Variants in STIP1 observed in about 807,000 individuals in gnomAD.
STIP1 encodes the protein stress-induced-phosphoprotein 1.
In STIP1, 16 loss-of-function variants were observed where a neutral mutation model predicts 77.4. That is an observed-to-expected ratio of 0.21 (90% CI 0.14 to 0.31). The LOEUF is 0.31. STIP1 is among the 10% of genes least tolerant of loss of function. STIP1 has a pLI of 1.00. For missense variants in STIP1, 524 were observed against 684.8 expected (o/e 0.77, Z 2.62); for synonymous variants, 258 against 246.6 (o/e 1.05, Z -0.44).
At chr11:64,191,998 A>G (rs1565278743) in intron 1 of STIP1, among the ~76,000 whole-genome samples, 1 of 151,996 alleles carries the variant, frequency 6.6e-6, no homozygotes, top group Non-Finnish European at 1.5e-5. Context: ...GCGGCCAGGC[A>G]GAGCTGCCTC....
At position 64,203,153 on chromosome 11, in the gene STIP1, G is replaced by T; in HGVS notation, c.1311G>T (p.Ala437=). The change falls in exon 12 of 14, where the codon GCG becomes GCT. Residue 437 remains alanine (A), a synonymous_variant. Transcript: ENST00000305218. ...FIKGYTRKAA[A]LEAMKDYTKA... The stretch of plus-strand genomic sequence containing the variant: ...AGGGTTATACACGGAAAGCCGCTGC[G>T]CTGGAAGCGATGAAGGACTACACCA... 6.2e-7 allele frequency: 1 copy of T among 1,614,164 alleles called. No individual in the cohort carries two copies.
chr11:64,187,101 C>T (rs750021679), intron 1 of STIP1, among the ~76,000 whole-genome samples: 2 of 152,056 alleles, frequency 1.3e-5, no homozygotes, highest in Non-Finnish European at 2.9e-5. Context: ...TTACAGAGAT[C>T]AACCGCTGGA....
At chr11:64,190,162 G>A (rs764848606) in intron 1 of STIP1, among the ~76,000 whole-genome samples, 23 of 151,682 alleles carry the variant, frequency 1.5e-4, no homozygotes, top group Non-Finnish European at 3.2e-4. Flanking sequence ...CACCACATCC[G>A]GGCAATTTAT....
chr11:64,197,209 T>C, intron 5 of STIP1, 62 bp from the exon 6 acceptor site: 1 of 1,601,844 alleles, frequency 6.2e-7, no homozygotes. Flanking sequence ...TGACAGATCA[T>C]AGATTCTTGC....
At chr11:64,193,390 C>T (rs1946114097) in intron 2 of STIP1, 103 bp downstream of exon 2, 7 of 1,000,420 alleles carry the variant, frequency 7.0e-6, no homozygotes, top group African/African-American at 4.8e-5. Context: ...TAGTTACCTA[C>T]CCACCTCCCT....
At chr11:64,195,550 ACAAGAAT>A (rs991567193) in intron 4 of STIP1, 88 bp from the exon 5 acceptor site, 1 of 1,295,256 alleles carries the variant, frequency 7.7e-7, no homozygotes, top group Non-Finnish European at 1.0e-6. Context: ...GCTTCTAAAC[ACAAGAAT>A]CTGACTTTAG....
At chr11:64,192,152 A>T (rs1224415251) in intron 1 of STIP1, among the ~76,000 whole-genome samples, 2 of 152,170 alleles carry the variant, frequency 1.3e-5, no homozygotes, top group Non-Finnish European at 2.9e-5. Flanking sequence ...CGTCTCTACT[A>T]AAATTACAAA....
At chr11:64,193,937 A>C (rs960539365) in intron 2 of STIP1, among the ~76,000 whole-genome samples, 28 of 152,206 alleles carry the variant, frequency 1.8e-4, no homozygotes, top group Admixed American at 1.6e-3. Flanking sequence ...ATAAGGGAAA[A>C]AGTGTTGCCA....
chr11:64,196,626 T>C (rs762158505), intron 5 of STIP1, among the ~76,000 whole-genome samples: 1 of 151,936 alleles, frequency 6.6e-6, no homozygotes, highest in African/African-American at 2.4e-5. Context: ...CTGGACATGG[T>C]GTGTGGTTGG....
intron 1 of STIP1, among the ~76,000 whole-genome samples, chr11:64,191,219 A>C (rs1004748532): frequency 6.8e-6 from 1 of 147,974 alleles, no homozygotes; most frequent in Non-Finnish European, 1.5e-5. Flanking sequence ...CTGAGTCAGG[A>C]GGATTGCTTG....
At chr11:64,190,393 C>T (rs573589789) in intron 1 of STIP1, among the ~76,000 whole-genome samples, 7 of 152,146 alleles carry the variant, frequency 4.6e-5, no homozygotes, top group African/African-American at 1.4e-4. Flanking sequence ...AGGCTGGTCT[C>T]GAACTCCTGA....
chr11:64,185,836 C>T (rs1946006086), upstream of STIP1: 7 of 1,536,136 alleles, frequency 4.6e-6, no homozygotes, highest in Non-Finnish European at 6.1e-6. Flanking sequence ...TGGAGTCCGG[C>T]AGCCCAATGG....
intron 1 of STIP1, among the ~76,000 whole-genome samples, chr11:64,190,470 G>A (rs979601618): frequency 1.2e-4 from 18 of 151,884 alleles, no homozygotes; most frequent in African/African-American, 3.6e-4. Flanking sequence ...CACTGCACCC[G>A]GCAGCAGCTA....
At position 64,203,823 on chromosome 11, in the gene STIP1, G is replaced by T; in HGVS notation, c.1559+201G>T. Reference sequence around the variant, plus strand: ...ATAGCTTAAGCAGTCATTTGGAAAGGCCCATTTAGCTGGGAGAAAGGTCTT... The same window carrying T: ...ATAGCTTAAGCAGTCATTTGGAAAGTCCCATTTAGCTGGGAGAAAGGTCTT... On this transcript the variant is annotated intron_variant, in intron 13 of 13. Coordinates refer to ENST00000305218, the MANE Select transcript of STIP1 (RefSeq NM_006819.3). The T allele has an allele frequency of 7.7e-6, 6 of 781,766 alleles. No homozygotes were observed. The South Asian group carries it at 1.0e-4, about 14-fold the overall frequency. The allele number at this position is 781,766 out of a possible 1,614,324, so 48.4% of individuals were successfully genotyped here.
At chr11:64,199,135 A>T (rs1591013024) in intron 8 of STIP1, among the ~76,000 whole-genome samples, 1 of 149,984 alleles carries the variant, frequency 6.7e-6, no homozygotes, top group Non-Finnish European at 1.5e-5. Flanking sequence ...AGTGGGGCGG[A>T]GGTTGCAGTG....
intron 1 of STIP1, among the ~76,000 whole-genome samples, chr11:64,190,320 T>C (rs1192157681): frequency 6.6e-6 from 1 of 152,154 alleles, no homozygotes; most frequent in Non-Finnish European, 1.5e-5. Context: ...ATTACAGGCA[T>C]GCACCACCAC....
At chr11:64,185,667 G>T (rs558543830), upstream of STIP1, 1 of 1,027,492 alleles carries the variant, frequency 9.7e-7, no homozygotes, top group South Asian at 1.7e-5. Flanking sequence ...AGCCGCCGGC[G>T]ACACAGCTAC....
Position 64,186,183 on chromosome 11 carries a change from G to C in STIP1, c.-79G>C, listed in dbSNP as rs1268263375. ...CCGGGGTCCCGGTAGCTTCTAGTAG[G>C]TTCCAGAAGGCGGCGCGTGCGGTTG... is the stretch of plus-strand genomic sequence containing the variant. On this transcript the variant is annotated 5_prime_UTR_variant, in exon 1 of 14. Transcript: ENST00000305218. 2.6e-6 allele frequency: 4 copies of C among 1,550,554 alleles called. No individual in the cohort carries two copies. The African/African-American group carries it at 4.1e-5, about 16-fold the overall frequency.
At chr11:64,197,717 G>A in intron 7 of STIP1, 122 bp downstream of exon 7, 1 of 1,546,200 alleles carries the variant, frequency 6.5e-7, no homozygotes, top group Non-Finnish European at 8.9e-7. Flanking sequence ...GAAAGGGCTG[G>A]CAAGAAGGTC....
Sources: allele counts gnomAD v4.1 joint callset (sites outside exome capture counted in the v4.1 genomes callset), GRCh38; gene constraint gnomAD v4.1.1; transcripts MANE v1.5; gene names NCBI Gene and HGNC (gene_info 2026-07-23, HGNC 2026-07-21).